Variants in PNP observed in about 807,000 individuals in gnomAD.
PNP encodes purine nucleoside phosphorylase.
Under a neutral mutation model 26.8 loss-of-function variants are expected in PNP, and 18 were observed. That is an observed-to-expected ratio of 0.67 (90% CI 0.46 to 1.00). PNP has a LOEUF of 1.00. Among genes scored for constraint, PNP ranks in the 50% least tolerant of loss-of-function variants. The probability of loss-of-function intolerance (pLI) is 0.00; values close to 1 mark genes in which losing one functional copy is unlikely to be tolerated. For missense variants in PNP, 320 were observed against 362.9 expected (o/e 0.88, Z 0.96); for synonymous variants, 116 against 124.8 (o/e 0.93, Z 0.47).
intron 1 of PNP, 149 bp downstream of exon 1, chr14:20,469,684 G>A (rs907731322): frequency 2.9e-5 from 32 of 1,103,742 alleles, no homozygotes; most frequent in Non-Finnish European, 4.0e-5. Flanking sequence ...AGTGTCGGGA[G>A]CAAGGCGGCA....
At chr14:20,474,407 G>A in intron 2 of PNP, 65 bp from the exon 3 acceptor site, 10 of 1,320,330 alleles carry the variant, frequency 7.6e-6, no homozygotes, top group Non-Finnish European at 9.8e-6. Context: ...CACAGTAGGT[G>A]CTTAATGGAT....
chr14:20,471,394 G>A (rs1881984868), intron 1 of PNP, among the ~76,000 whole-genome samples: 1 of 151,234 alleles, frequency 6.6e-6, no homozygotes, highest in Non-Finnish European at 1.5e-5. Context: ...TTCAGAATCT[G>A]TTTTTTGTGG....
intron 1 of PNP, chr14:20,470,524 G>A (rs1881965008): frequency 6.6e-6 from 1 of 152,228 alleles, no homozygotes. Context: ...TCCTGTGAAA[G>A]CTTGGTTAGT....
chr14:20,473,453 T>C (rs563198091), intron 2 of PNP: 1 of 152,224 alleles, frequency 6.6e-6, no homozygotes, highest in Non-Finnish European at 1.5e-5. Flanking sequence ...GTAAGTATAC[T>C]ATGAGCTTGC....
chr14:20,469,887 G>A (rs1285009425), intron 1 of PNP: 1 of 479,946 alleles, frequency 2.1e-6, no homozygotes. Flanking sequence ...TCCATACCAG[G>A]AGGAGGTCTC....
chr14:20,473,254 T>A (rs1617940), intron 2 of PNP: 36,468 of 152,106 alleles, frequency 0.24, 4,567 homozygotes, highest in African/African-American at 0.3. Context: ...CTATTAGAAG[T>A]GACTGCCAGA....
At chr14:20,473,346 C>A (rs1882029200) in intron 2 of PNP, 1 of 152,096 alleles carries the variant, frequency 6.6e-6, no homozygotes, top group Non-Finnish European at 1.5e-5. Context: ...GGCATGTGTT[C>A]CCATAGGACT....
chr14:20,472,700 C>T, intron 2 of PNP: 1 of 616,974 alleles, frequency 1.6e-6, no homozygotes, highest in Non-Finnish European at 2.9e-6. Context: ...TGGACTGAGG[C>T]TAAGACTCAG....
At position 20,476,657 on chromosome 14, in the gene PNP, C is replaced by A; in HGVS notation, c.*56C>A. The A allele has an allele frequency of 7.2e-7, 1 of 1,392,102 alleles. No individual in the cohort carries two copies. The highest frequency in any genetic ancestry group is 1.0e-6 in the Non-Finnish European group (1 of 979,872). The allele number at this position is 1,392,102 out of a possible 1,614,324, so 86.2% of individuals were successfully genotyped here. A position where few individuals can be genotyped will look rare whatever the true frequency, so the allele number is the denominator to read the frequency against. Reference sequence around the variant, plus strand: ...ACAAGACCCAAGTAGCTGCTACCTTCTTTGGCCCCTTGCTGGAGTCATGTG... The same window carrying A: ...ACAAGACCCAAGTAGCTGCTACCTTATTTGGCCCCTTGCTGGAGTCATGTG... On this transcript the variant is annotated 3_prime_UTR_variant, in exon 6 of 6. Transcript: ENST00000361505.
intron 5 of PNP, among the ~76,000 whole-genome samples, chr14:20,476,145 A>G (rs1882105309): frequency 6.6e-6 from 1 of 151,638 alleles, no homozygotes; most frequent in African/African-American, 2.4e-5. Context: ...GGCTAATTTT[A>G]TTTATTTTTT....
At chr14:20,471,053 C>A (rs1434272913) in intron 1 of PNP, among the ~76,000 whole-genome samples, 1 of 151,880 alleles carries the variant, frequency 6.6e-6, no homozygotes, top group East Asian at 1.9e-4. Context: ...ATTTTGGAGT[C>A]GGAGTCTCGC....
intron 4 of PNP, 54 bp downstream of exon 4, chr14:20,475,002 G>A: frequency 6.2e-7 from 1 of 1,613,462 alleles, no homozygotes; most frequent in Non-Finnish European, 8.5e-7. Flanking sequence ...GACTTCTCTA[G>A]GAGCTGTGGG....
intron 1 of PNP, among the ~76,000 whole-genome samples, chr14:20,470,301 C>T (rs1189794851): frequency 6.6e-6 from 1 of 152,228 alleles, no homozygotes; most frequent in Non-Finnish European, 1.5e-5. Context: ...CTAGACATGC[C>T]ATGTGGCGGC....
intron 1 of PNP, among the ~76,000 whole-genome samples, chr14:20,471,924 C>G (rs1396735666): frequency 6.6e-6 from 1 of 152,070 alleles, no homozygotes; most frequent in Non-Finnish European, 1.5e-5. Context: ...GCCCTTTTAC[C>G]CTCCCTAATT....
rs767136169 is a variant in PNP, at chr14:20,476,344, G to C, written c.653-40G>C. ...TAAAGGGCAAGGAAAAGAGTTATTT[G>C]AGGATCCTGACAGTTGGTTTCCATC... On this transcript the variant is annotated intron_variant, in intron 5 of 5. Transcript: ENST00000361505. 13 of 1,459,416 alleles carry C rather than the reference G, an allele frequency of 8.9e-6. No individual in the cohort carries two copies. In the South Asian group the frequency reaches 1.3e-4, roughly 14 times the overall value. The allele number at this position is 1,459,416 out of a possible 1,614,324, so 90.4% of individuals were successfully genotyped here. A position where few individuals can be genotyped will look rare whatever the true frequency, so the allele number is the denominator to read the frequency against.
chr14:20,471,786 C>A (rs1881992884), intron 1 of PNP, among the ~76,000 whole-genome samples: 1 of 152,076 alleles, frequency 6.6e-6, no homozygotes. Flanking sequence ...AGTAGTTGGT[C>A]TTAATTACAT....
chr14:20,471,729 G>A (rs1031062488), intron 1 of PNP, among the ~76,000 whole-genome samples: 2 of 152,164 alleles, frequency 1.3e-5, no homozygotes, highest in Non-Finnish European at 2.9e-5. Flanking sequence ...GAAGGAACTG[G>A]AGGAATGAGG....
At chr14:20,471,197 A>ATTTTTTTTTTTTTTTTTTTT (rs397960222) in intron 1 of PNP, among the ~76,000 whole-genome samples, 5 of 90,652 alleles carry the variant, frequency 5.5e-5, no homozygotes, top group Non-Finnish European at 8.1e-5. Context: ...CGCCCGGCTA[A>ATTTTTTTTTTTTTTTTTTTT]TTTTTTTTTT....
At chr14:20,471,627 A>G (rs1881990397) in intron 1 of PNP, among the ~76,000 whole-genome samples, 1 of 152,180 alleles carries the variant, frequency 6.6e-6, no homozygotes, top group Non-Finnish European at 1.5e-5. Context: ...CAGGGAGCTA[A>G]GAATGGCACG....
Sources: allele counts gnomAD v4.1 joint callset (sites outside exome capture counted in the v4.1 genomes callset), GRCh38; gene constraint gnomAD v4.1.1; transcripts MANE v1.5; gene names NCBI Gene and HGNC (gene_info 2026-07-23, HGNC 2026-07-21).